The following IQCH variants were observed in gnomAD, a reference collection of about 807,000 sequenced individuals.
IQCH encodes the protein IQ domain-containing protein H.
Under a neutral mutation model 117.0 loss-of-function variants are expected in IQCH, and 98 were observed. The ratio of observed to expected loss-of-function variants is 0.84; its 90% CI spans 0.71 to 0.99. The LOEUF is 0.99. Ranked by LOEUF, IQCH falls within the 50% of genes least tolerant of loss-of-function variation. IQCH has a pLI of 0.00. For synonymous variants in IQCH, 412 were observed against 448.2 expected (o/e 0.92, Z 1.02); for missense variants, 1,102 against 1,243.8 (o/e 0.89, Z 1.72).
Position 67,411,406 on chromosome 15 carries a change from A to C in IQCH, c.2098-5525A>C, listed in dbSNP as rs1388668784. ...CCACATGGCTCCTTTCAACACTGACAGTCTTGCTTACTTTTTCAGGTCATT... is the reference window on the plus strand; with the variant it reads ...CCACATGGCTCCTTTCAACACTGACCGTCTTGCTTACTTTTTCAGGTCATT... On this transcript the variant is annotated intron_variant, in intron 14 of 20. Transcript: ENST00000335894. This position sits in a 1 kb window ranked among gnomAD's most constrained non-coding sequence, Gnocchi z 4.4. 6.6e-6 allele frequency among the ~76,000 whole-genome samples: 1 copy of C among 152,182 alleles called. No homozygotes were observed. Among genetic ancestry groups the C allele is most frequent in the Non-Finnish European group, 1.5e-5 (1 of 68,036 alleles).
chr15:67,370,231 G>T lies in IQCH; in HGVS notation c.754-1880G>T, dbSNP rs1193194578. Among the ~76,000 whole-genome samples the T allele has an allele frequency of 6.6e-6, 1 of 152,168 alleles. No homozygotes were observed. Among genetic ancestry groups the T allele is most frequent in the East Asian group, 1.9e-4 (1 of 5,204 alleles). On this transcript the variant is annotated intron_variant, in intron 8 of 20. Coordinates refer to ENST00000335894, the MANE Select transcript of IQCH (RefSeq NM_001031715.3). The surrounding 1 kb of genome is among the most constrained non-coding windows in gnomAD (Gnocchi z 5.6). ...TGGTCCTAATTCCACATGTCTCGCT[G>T]TGAAGATAAGAAGTTTCAGAATATT...
chr15:67,277,191 A>C (rs1241544741), intron 3 of IQCH, among the ~76,000 whole-genome samples: 1 of 152,206 alleles, frequency 6.6e-6, no homozygotes, highest in Admixed American at 6.5e-5. Context: ...CTCTGCTTAC[A>C]TTACCCATCT....
intron 4 of IQCH, among the ~76,000 whole-genome samples, chr15:67,332,987 A>G (rs1826678282): frequency 2.6e-5 from 4 of 152,228 alleles, no homozygotes; most frequent in Admixed American, 2.6e-4. Context: ...TCCAAAATCA[A>G]GCTGCTGGCA....
In IQCH at chr15:67,465,275, G is replaced by C. The variant is rs752438693; in HGVS notation, c.2654G>C (p.Cys885Ser). 2 of 1,613,714 alleles carry C rather than the reference G, an allele frequency of 1.2e-6. No individual in the cohort carries two copies. Among genetic ancestry groups the C allele is most frequent in the African/African-American group, 2.7e-5 (2 of 74,834 alleles). Reference protein sequence around the residue: ...FVPKERKKTKCMSALSMPMLA... With the variant: ...FVPKERKKTKSMSALSMPMLA... ...CCAAAGGAAAGGAAGAAAACCAAAT[G>C]CATGAGTGCGCTGTCAATGCCGGTA... is the stretch of plus-strand genomic sequence containing the variant. The change falls in exon 17 of 21, where the codon TGC becomes TCC. Residue 885 changes from cysteine (C) to serine (S), a missense_variant. Coordinates refer to ENST00000335894, the MANE Select transcript of IQCH (RefSeq NM_001031715.3). The surrounding 1 kb of genome is among the most constrained non-coding windows in gnomAD (Gnocchi z 5.9).
At chr15:67,255,119 A>G in intron 1 of IQCH, 172 bp downstream of exon 1, 2 of 667,826 alleles carry the variant, frequency 3.0e-6, no homozygotes, top group Non-Finnish European at 5.4e-6. Flanking sequence ...ACGGCCCAGC[A>G]CACTCCCGGT....
At chr15:67,318,418 T>C (rs939766513) in intron 4 of IQCH, among the ~76,000 whole-genome samples, 3 of 152,202 alleles carry the variant, frequency 2.0e-5, no homozygotes, top group African/African-American at 7.2e-5. Context: ...GAAAGACATA[T>C]CATATTCCTG....
Position 67,386,748 on chromosome 15 carries a change from AT to A in IQCH, c.1456+1731del, listed in dbSNP as rs1971119556. Among the ~76,000 whole-genome samples the A allele has an allele frequency of 6.6e-6, 1 of 152,112 alleles. No homozygotes were observed. The highest frequency in any genetic ancestry group is 6.6e-5 in the Admixed American group (1 of 15,258). The stretch of plus-strand genomic sequence containing the variant: ...GATGAGTTCAGCAAGGAAGTGACTG[AT>A]TACTGACCAGCAATCAAAGAAAGTT... On this transcript the variant is annotated intron_variant, in intron 11 of 20. Coordinates refer to ENST00000335894, the MANE Select transcript of IQCH (RefSeq NM_001031715.3). The surrounding 1 kb of genome is among the most constrained non-coding windows in gnomAD (Gnocchi z 5.0).
chr15:67,363,183 A>T (rs75327785), intron 8 of IQCH, among the ~76,000 whole-genome samples: 1,896 of 152,270 alleles, frequency 0.012, 54 homozygotes, highest in Admixed American at 0.061. Flanking sequence ...ACACGGAAAA[A>T]AAAACAAACA....
chr15:67,381,494 A>G lies in IQCH; in HGVS notation c.1373-3442A>G, dbSNP rs1049258833. On this transcript the variant is annotated intron_variant, in intron 10 of 20. Coordinates refer to ENST00000335894, the MANE Select transcript of IQCH (RefSeq NM_001031715.3). The surrounding 1 kb of genome is among the most constrained non-coding windows in gnomAD (Gnocchi z 5.1). ...AAGAAAAGAGGCTGTGATCCTTTCT[A>G]TAGTGATGAGGAAGAGAGAGTGCCT... Among the ~76,000 whole-genome samples the G allele has an allele frequency of 6.6e-6, 1 of 152,210 alleles. No homozygotes were observed. Among genetic ancestry groups the G allele is most frequent in the Non-Finnish European group, 1.5e-5 (1 of 68,050 alleles).
chr15:67,430,961 A>G lies in IQCH; in HGVS notation c.2505+9384A>G, dbSNP rs377716817. On this transcript the variant is annotated intron_variant, in intron 16 of 20. Coordinates refer to ENST00000335894, the MANE Select transcript of IQCH (RefSeq NM_001031715.3). This position sits in a 1 kb window ranked among gnomAD's most constrained non-coding sequence, Gnocchi z 5.1. ...ACGGCCAAATGATTTTTCTACATGCATTCAGACAAGAGAAAGATCCCTTCT... is the reference window on the plus strand; with the variant it reads ...ACGGCCAAATGATTTTTCTACATGCGTTCAGACAAGAGAAAGATCCCTTCT... 6.6e-6 allele frequency among the ~76,000 whole-genome samples: 1 copy of G among 152,350 alleles called. No individual in the cohort carries two copies. The highest frequency in any genetic ancestry group is 1.9e-4 in the East Asian group (1 of 5,186).
chr15:67,402,148 A>C (rs1329232504), intron 14 of IQCH, among the ~76,000 whole-genome samples: 2 of 152,208 alleles, frequency 1.3e-5, no homozygotes, highest in East Asian at 3.8e-4. Flanking sequence ...TAGCATTTTT[A>C]ATTGGCACCA....
Position 67,436,981 on chromosome 15 carries a change from G to A in IQCH, c.2505+15404G>A, listed in dbSNP as rs1299736862. 1.3e-5 allele frequency among the ~76,000 whole-genome samples: 2 copies of A among 151,056 alleles called. No individual in the cohort carries two copies. The highest frequency in any genetic ancestry group is 2.9e-5 in the Non-Finnish European group (2 of 67,886). ...TTCCCTATCCACCCTGGTAGCAGAA[G>A]ACAAAGGGCATATAATCTTGGGAGT... On this transcript the variant is annotated intron_variant, in intron 16 of 20. Transcript: ENST00000335894. The surrounding 1 kb of genome is among the most constrained non-coding windows in gnomAD (Gnocchi z 5.1).
chr15:67,456,995 A>G lies in IQCH; in HGVS notation c.2506-8132A>G, dbSNP rs1001570816. ...CCAAAAAGATGAGTAGGATTAACAG[A>G]GACAGAGGGGAAGGCCTCTAAGCTG... On this transcript the variant is annotated intron_variant, in intron 16 of 20. Coordinates refer to ENST00000335894, the MANE Select transcript of IQCH (RefSeq NM_001031715.3). The surrounding 1 kb of genome is among the most constrained non-coding windows in gnomAD (Gnocchi z 5.1). 4.6e-5 allele frequency among the ~76,000 whole-genome samples: 7 copies of G among 152,160 alleles called. No individual in the cohort carries two copies. The highest frequency in any genetic ancestry group is 4.6e-4 in the Admixed American group (7 of 15,274).
In IQCH at chr15:67,387,341, G is replaced by A. The variant is rs1440064932; in HGVS notation, c.1457-1490G>A. On this transcript the variant is annotated intron_variant, in intron 11 of 20. Coordinates refer to ENST00000335894, the MANE Select transcript of IQCH (RefSeq NM_001031715.3). The surrounding 1 kb of genome is among the most constrained non-coding windows in gnomAD (Gnocchi z 4.8). ...ATTTCTCTATGTATGTATGCCCTGC[G>A]TCTAGGTGTAAAAGACCTTCCCAAC... Among the ~76,000 whole-genome samples, 1 of 152,058 alleles carries A rather than the reference G, an allele frequency of 6.6e-6. No homozygotes were observed. The highest frequency in any genetic ancestry group is 2.4e-5 in the African/African-American group (1 of 41,396).
chr15:67,317,687 T>A (rs1377569953), intron 4 of IQCH, among the ~76,000 whole-genome samples: 5 of 152,214 alleles, frequency 3.3e-5, no homozygotes, highest in African/African-American at 9.7e-5. Context: ...TTTTTTTCAC[T>A]TAAATATCTT....
rs1054805649 is a variant in IQCH at position 67,495,696 on chromosome 15, A to G, written c.2970+1330A>G. Among the ~76,000 whole-genome samples the G allele has an allele frequency of 2.6e-5, 4 of 152,352 alleles. No individual in the cohort carries two copies. The South Asian group carries it at 6.2e-4, about 24-fold the overall frequency. On this transcript the variant is annotated intron_variant, in intron 20 of 20. Coordinates refer to ENST00000335894, the MANE Select transcript of IQCH (RefSeq NM_001031715.3). ...GCTTGTCTCGCTGTGGGCAGAGTCAACCACCTTTGACAAAATGAAAGCTAT... is the reference window on the plus strand; with the variant it reads ...GCTTGTCTCGCTGTGGGCAGAGTCAGCCACCTTTGACAAAATGAAAGCTAT...
At chr15:67,383,524 C>T (rs1228588589) in intron 10 of IQCH, among the ~76,000 whole-genome samples, 1 of 152,190 alleles carries the variant, frequency 6.6e-6, no homozygotes, top group East Asian at 1.9e-4. Context: ...TGCTCTCAGG[C>T]ACTTTTCTTA....
At chr15:67,259,500 A>G (rs1419711729) in intron 1 of IQCH, among the ~76,000 whole-genome samples, 1 of 152,208 alleles carries the variant, frequency 6.6e-6, no homozygotes, top group Non-Finnish European at 1.5e-5. Context: ...GCTGCCTTTT[A>G]TTGAGTTCTT....
chr15:67,395,694 G>A lies in IQCH; in HGVS notation c.1905+131G>A, dbSNP rs544170216. 150 of 391,692 alleles carry A rather than the reference G, an allele frequency of 3.8e-4. 1 individual carries two copies. In the East Asian group the frequency reaches 4.1e-3, roughly 11 times the overall value. The allele number at this position is 391,692 out of a possible 1,614,324, so 24.3% of individuals were successfully genotyped here. ...GGTGGAATATTTGAGTTGATTTGAG[G>A]GAATCTACTTTATTTATTTATTTAT... On this transcript the variant is annotated intron_variant, in intron 13 of 20. Transcript: ENST00000335894. This position sits in a 1 kb window ranked among gnomAD's most constrained non-coding sequence, Gnocchi z 4.0.
Sources: gnomAD v4.1 joint callset for allele counts (sites outside exome capture counted in the v4.1 genomes callset) on GRCh38, gnomAD v4.1.1 for gene constraint, Gnocchi (gnomAD v3.1) non-coding constraint, MANE v1.5 for transcripts, NCBI Gene and HGNC (gene_info 2026-07-23, HGNC 2026-07-21) for gene names.